The following CTNNA1 variants were observed in gnomAD, a reference collection of about 807,000 sequenced individuals.
CTNNA1 encodes catenin alpha 1, also known as catenin alpha-1.
A neutral mutation model predicts 98.4 loss-of-function variants in CTNNA1; 37 were observed. That is an observed-to-expected ratio of 0.38 (90% CI 0.29 to 0.49). The LOEUF is 0.49. Among genes scored for constraint, CTNNA1 ranks in the 20% least tolerant of loss-of-function variants. The pLI is 0.95. For synonymous variants in CTNNA1, 404 were observed against 413.2 expected, an observed-to-expected ratio of 0.98 and a Z score of 0.27; for missense variants, 761 against 1,147.2, an observed-to-expected ratio of 0.66 and a Z score of 4.86.
intron 1 of CTNNA1, among the ~76,000 whole-genome samples, chr5:138,770,914 T>C (rs1158109111): frequency 4.7e-5 from 7 of 148,396 alleles, no homozygotes; most frequent in Admixed American, 4.1e-4. Flanking sequence ...ATTGCGCCAC[T>C]GCACCCAGCT....
intron 1 of CTNNA1, among the ~76,000 whole-genome samples, chr5:138,767,246 C>T (rs1409603391): frequency 2.0e-5 from 3 of 152,150 alleles, no homozygotes; most frequent in Non-Finnish European, 4.4e-5. Context: ...CTGTGTTAGC[C>T]AGGATGGTCT....
chr5:138,755,826 C>T (rs1171067102), intron 1 of CTNNA1, among the ~76,000 whole-genome samples: 5 of 145,930 alleles, frequency 3.4e-5, no homozygotes, highest in African/African-American at 1.0e-4. Context: ...CTGCCCTGCC[C>T]GGGTTTTGGG....
intron 7 of CTNNA1, among the ~76,000 whole-genome samples, chr5:138,861,209 C>T (rs188821644): frequency 1.5e-4 from 23 of 152,120 alleles, no homozygotes; most frequent in Admixed American, 5.9e-4. Flanking sequence ...TTAGTAGAGA[C>T]GGGGTTTCAC....
intron 3 of CTNNA1, among the ~76,000 whole-genome samples, chr5:138,795,942 G>A (rs561684675): frequency 6.6e-6 from 1 of 152,118 alleles, no homozygotes; most frequent in Non-Finnish European, 1.5e-5. Context: ...TTTCCAGTTT[G>A]TCTTCTGTGA....
chr5:138,885,246 T>C (rs1753783411), intron 7 of CTNNA1, among the ~76,000 whole-genome samples: 1 of 152,160 alleles, frequency 6.6e-6, no homozygotes, highest in Non-Finnish European at 1.5e-5. Flanking sequence ...ACTAAGAGCA[T>C]ACCCATACCA....
chr5:138,810,035 C>T lies in CTNNA1; in HGVS notation c.302-3C>T, dbSNP rs758513148. The T allele has an allele frequency of 3.1e-6, 5 of 1,596,946 alleles. No homozygotes were observed. In the South Asian group the frequency reaches 4.4e-5, roughly 14 times the overall value. ...TGAGTTTGTTTTTCATTCTGTAAAA[C>T]AGGTGATTTGATGAAGGCTGCTGCA... On this transcript the variant is annotated splice_polypyrimidine_tract_variant and splice_region_variant and intron_variant, in intron 3 of 17. Coordinates refer to ENST00000302763, the MANE Select transcript of CTNNA1 (RefSeq NM_001903.5).
chr5:138,873,889 A>G lies in CTNNA1; in HGVS notation c.1063-12323A>G. On this transcript the variant is annotated intron_variant, in intron 7 of 17. Coordinates refer to ENST00000302763, the MANE Select transcript of CTNNA1 (RefSeq NM_001903.5). The surrounding 1 kb of genome is among the most constrained non-coding windows in gnomAD (Gnocchi z 6.1). ...TGTGCAGACTGCTTAGCCGTAGGAA[A>G]TGAGCAAAATTAATCTTCGTCAGCT... 6.2e-7 allele frequency: 1 copy of G among 1,613,998 alleles called. No homozygotes were observed. The highest frequency in any genetic ancestry group is 8.5e-7 in the Non-Finnish European group (1 of 1,179,886).
chr5:138,804,272 G>C (rs1325370678), intron 3 of CTNNA1, among the ~76,000 whole-genome samples: 1 of 152,136 alleles, frequency 6.6e-6, no homozygotes, highest in African/African-American at 2.4e-5. Context: ...TCATGTTACT[G>C]CATTCAATAC....
At chr5:138,803,143 C>T (rs570154804) in intron 3 of CTNNA1, among the ~76,000 whole-genome samples, 2 of 151,344 alleles carry the variant, frequency 1.3e-5, no homozygotes, top group East Asian at 3.9e-4. Context: ...GCTTTTCCTC[C>T]TGGTAATGGG....
At chr5:138,843,857 C>CAT (rs1470613517) in intron 7 of CTNNA1, among the ~76,000 whole-genome samples, 1 of 152,166 alleles carries the variant, frequency 6.6e-6, no homozygotes, top group Non-Finnish European at 1.5e-5. Flanking sequence ...AACCCTTTGT[C>CAT]ACTGTATTCA....
chr5:138,880,491 C>T (rs190470575), intron 7 of CTNNA1, among the ~76,000 whole-genome samples: 48 of 152,322 alleles, frequency 3.2e-4, no homozygotes, highest in Middle Eastern at 6.8e-3. Flanking sequence ...GCAACCTCCC[C>T]GCCGCCCCTT....
chr5:138,837,797 A>AT (rs558948765), intron 7 of CTNNA1, among the ~76,000 whole-genome samples: 299 of 148,256 alleles, frequency 2.0e-3, no homozygotes, highest in Non-Finnish European at 2.9e-3. Flanking sequence ...AATTTTTTGT[A>AT]TTTTTTGTAG....
rs1754032075 is a variant in CTNNA1, at chr5:138,775,711, TTTC to T, written c.-2-6209_-2-6207del. Among the ~76,000 whole-genome samples the T allele has an allele frequency of 2.7e-5, 4 of 148,704 alleles. No homozygotes were observed. In the Admixed American group the frequency reaches 2.7e-4, roughly 10 times the overall value. On this transcript the variant is annotated intron_variant, in intron 1 of 17. Transcript: ENST00000302763. ...TTTAGCCTCCTTTAATCTGGAAATA[TTTC>T]TTTTTTTTTTTTTTTTTTTTTTTTT...
At chr5:138,925,605 C>A in intron 13 of CTNNA1, 198 bp downstream of exon 13, 2 of 737,078 alleles carry the variant, frequency 2.7e-6, no homozygotes, top group South Asian at 2.3e-5. Flanking sequence ...AAACTTGGGC[C>A]AAGAAGGGGA....
intron 4 of CTNNA1, 113 bp from the exon 5 acceptor site, chr5:138,812,069 GT>G (rs1470335638): frequency 1.1e-6 from 1 of 880,774 alleles, no homozygotes. Flanking sequence ...CGAGAGCTAA[GT>G]TTGGGTTGCT....
intron 7 of CTNNA1, chr5:138,872,757 T>G: frequency 2.7e-6 from 1 of 371,738 alleles, no homozygotes; most frequent in Middle Eastern, 7.5e-4. Context: ...ATTACATACA[T>G]TTCTTATTTT....
intron 7 of CTNNA1, among the ~76,000 whole-genome samples, chr5:138,863,711 G>T (rs1764489676): frequency 6.6e-6 from 1 of 152,238 alleles, no homozygotes; most frequent in Non-Finnish European, 1.5e-5. Flanking sequence ...AGAATTTGCA[G>T]CAGAGAAAGA....
intron 3 of CTNNA1, among the ~76,000 whole-genome samples, chr5:138,807,185 T>C (rs1317312036): frequency 1.3e-5 from 2 of 151,968 alleles, no homozygotes; most frequent in African/African-American, 4.8e-5. Flanking sequence ...TGTTTGCATT[T>C]TTAGTAGAGA....
intron 5 of CTNNA1, among the ~76,000 whole-genome samples, chr5:138,823,571 G>A (rs912777682): frequency 6.6e-6 from 1 of 152,128 alleles, no homozygotes; most frequent in African/African-American, 2.4e-5. Context: ...ATACGTGCTT[G>A]TCAGAACAGC....
Sources: gnomAD v4.1 joint callset for allele counts (sites outside exome capture counted in the v4.1 genomes callset) on GRCh38, gnomAD v4.1.1 for gene constraint, Gnocchi (gnomAD v3.1) non-coding constraint, MANE v1.5 for transcripts, NCBI Gene and HGNC (gene_info 2026-07-23, HGNC 2026-07-21) for gene names.